Variants in CNTN1 observed in about 807,000 individuals in gnomAD.
CNTN1 encodes contactin-1.
Under a neutral mutation model 126.4 loss-of-function variants are expected in CNTN1, and 38 were observed. The observed-to-expected ratio is 0.30, with a 90% CI of 0.23 to 0.39. The LOEUF is 0.39. Among genes scored for constraint, CNTN1 ranks in the 10% least tolerant of loss-of-function variants. The probability of loss-of-function intolerance (pLI) is 1.00; values close to 1 mark genes in which losing one functional copy is unlikely to be tolerated. For missense variants in CNTN1, 1,009 were observed against 1,248.4 expected, an observed-to-expected ratio of 0.81 and a Z score of 2.89; for synonymous variants, 413 against 422.6, an observed-to-expected ratio of 0.98 and a Z score of 0.28.
At chr12:40,990,171 T>C (rs1948065813) in intron 16 of CNTN1, among the ~76,000 whole-genome samples, 1 of 152,246 alleles carries the variant, frequency 6.6e-6, no homozygotes, top group South Asian at 2.1e-4. Context: ...TAGATATTTG[T>C]ATTCTCGTAG....
chr12:40,754,122 C>T (rs1938508799), intron 1 of CNTN1, among the ~76,000 whole-genome samples: 1 of 151,952 alleles, frequency 6.6e-6, no homozygotes, highest in South Asian at 2.1e-4. Flanking sequence ...TGCATATACA[C>T]ATATATAGGA....
chr12:40,699,617 CTTTT>C (rs1478589894), intron 1 of CNTN1, among the ~76,000 whole-genome samples: 1 of 152,128 alleles, frequency 6.6e-6, no homozygotes, highest in Non-Finnish European at 1.5e-5. Flanking sequence ...GTTAATTTCA[CTTTT>C]CTTTATTTAA....
chr12:40,994,622 A>G (rs369571168), intron 17 of CNTN1, among the ~76,000 whole-genome samples: 10 of 152,234 alleles, frequency 6.6e-5, no homozygotes, highest in African/African-American at 2.2e-4. Flanking sequence ...GAATAATAAT[A>G]AAAACCAAAC....
rs1288490278 is a variant in CNTN1 at position 40,936,989 on chromosome 12, G to A, written c.1110+84G>A. ...TAGTCCTGGGATAAATTTAGCAGGA[G>A]AGACAATACAGAAAGGGCACTTGGG... On this transcript the variant is annotated intron_variant, in intron 10 of 23. Coordinates refer to ENST00000551295, the MANE Select transcript of CNTN1 (RefSeq NM_001843.4). 3.2e-6 allele frequency: 5 copies of A among 1,563,296 alleles called. No homozygotes were observed. In the East Asian group the frequency reaches 1.1e-4, roughly 35 times the overall value.
At chr12:40,741,113 TGGAA>T in intron 1 of CNTN1, among the ~76,000 whole-genome samples, 1 of 152,082 alleles carries the variant, frequency 6.6e-6, no homozygotes, top group Non-Finnish European at 1.5e-5. Context: ...AAGTGACCTA[TGGAA>T]TATCCACTGA....
At chr12:40,973,225 A>G (rs886773756) in intron 15 of CNTN1, among the ~76,000 whole-genome samples, 1 of 152,130 alleles carries the variant, frequency 6.6e-6, no homozygotes, top group African/African-American at 2.4e-5. Flanking sequence ...TGGTAGAGAT[A>G]TTTAATAAGA....
At chr12:40,867,773 T>C (rs1187711451) in intron 1 of CNTN1, among the ~76,000 whole-genome samples, 3 of 152,090 alleles carry the variant, frequency 2.0e-5, no homozygotes, top group Non-Finnish European at 2.9e-5. Flanking sequence ...TACTTTTCTC[T>C]TTACTTTGAA....
At chr12:41,047,773 C>T (rs1228616964) in intron 23 of CNTN1, among the ~76,000 whole-genome samples, 2 of 151,728 alleles carry the variant, frequency 1.3e-5, no homozygotes, top group Non-Finnish European at 2.9e-5. Context: ...TTACTCTGTC[C>T]TCTCCATTTC....
At chr12:40,936,981 T>C in intron 10 of CNTN1, 76 bp downstream of exon 10, 1 of 1,588,168 alleles carries the variant, frequency 6.3e-7, no homozygotes, top group Non-Finnish European at 8.6e-7. Flanking sequence ...GGGATAAATT[T>C]AGCAGGAGAG....
chr12:40,776,174 T>C (rs1326425640), intron 1 of CNTN1, among the ~76,000 whole-genome samples: 2 of 151,626 alleles, frequency 1.3e-5, no homozygotes, highest in African/African-American at 4.8e-5. Flanking sequence ...AATTATAGTT[T>C]CTGTGTTATA....
chr12:40,952,594 GT>G (rs2136984767), intron 14 of CNTN1, among the ~76,000 whole-genome samples: 1 of 152,090 alleles, frequency 6.6e-6, no homozygotes, highest in African/African-American at 2.4e-5. Context: ...GTAGTTTTGT[GT>G]CTTCCTCTGT....
At chr12:40,720,309 GT>G (rs1048007092) in intron 1 of CNTN1, among the ~76,000 whole-genome samples, 2 of 151,828 alleles carry the variant, frequency 1.3e-5, no homozygotes, top group African/African-American at 2.4e-5. Flanking sequence ...TTCGGTTCTA[GT>G]TTTTTTCATT....
Position 40,910,076 on chromosome 12 carries a change from T to C in CNTN1, c.65T>C (p.Phe22Ser). Reference sequence around the variant, plus strand: ...TTGTTTTTTCTTTCATTTTTAGAGTTTACATGGTATAGAAGATATGGTCAT... The same window carrying C: ...TTGTTTTTTCTTTCATTTTTAGAGTCTACATGGTATAGAAGATATGGTCAT... ...IISITTCLAE[F>S]TWYRRYGHGV... is the part of the protein sequence containing the mutation. The change falls in exon 3 of 24, where the codon TTT (phenylalanine) becomes TCT (serine). Residue 22 changes from phenylalanine to serine, a missense_variant. Physicochemically the swap from Phe to Ser is radical, Grantham distance 155. Coordinates refer to ENST00000551295, the MANE Select transcript of CNTN1 (RefSeq NM_001843.4). The C allele has an allele frequency of 6.2e-7, 1 of 1,606,688 alleles. No homozygotes were observed. The highest frequency in any genetic ancestry group is 8.5e-7 in the Non-Finnish European group (1 of 1,174,206).
At position 40,839,774 on chromosome 12, in the gene CNTN1, A is replaced by G. The variant is rs574756210; in HGVS notation, c.-76-68583A>G. 7.9e-5 allele frequency among the ~76,000 whole-genome samples: 12 copies of G among 152,306 alleles called. 1 individual carries two copies. The South Asian group carries it at 2.5e-3, about 32-fold the overall frequency. On this transcript the variant is annotated intron_variant, in intron 1 of 23. Coordinates refer to ENST00000551295, the MANE Select transcript of CNTN1 (RefSeq NM_001843.4). Reference sequence around the variant, plus strand: ...GTCCTACAAGAAATGCTCGTCCTAAACCAGAAAGCAAAAGAACAACATTCA... The same window carrying G: ...GTCCTACAAGAAATGCTCGTCCTAAGCCAGAAAGCAAAAGAACAACATTCA...
At chr12:40,951,740 A>AG (rs1946694134) in intron 14 of CNTN1, among the ~76,000 whole-genome samples, 2 of 150,506 alleles carry the variant, frequency 1.3e-5, no homozygotes, top group East Asian at 1.9e-4. Flanking sequence ...AAAAAAAAAA[A>AG]AAGAAGAAAA....
intron 23 of CNTN1, among the ~76,000 whole-genome samples, chr12:41,063,109 C>T (rs149289442): frequency 2.6e-5 from 4 of 152,220 alleles, no homozygotes; most frequent in East Asian, 1.9e-4. Context: ...CTGAAAAATT[C>T]GAACGCTGCA....
chr12:41,060,379 G>A (rs1438476833), intron 23 of CNTN1, among the ~76,000 whole-genome samples: 1 of 152,140 alleles, frequency 6.6e-6, no homozygotes, highest in Non-Finnish European at 1.5e-5. Flanking sequence ...TTGGCATAGT[G>A]GAACATGTAA....
intron 23 of CNTN1, among the ~76,000 whole-genome samples, chr12:41,065,898 C>G (rs748357918): frequency 1.3e-5 from 2 of 152,230 alleles, no homozygotes; most frequent in Non-Finnish European, 2.9e-5. Context: ...CTGATTTTCA[C>G]TCTAATCATA....
At chr12:40,791,539 G>GACC (rs1208527490) in intron 1 of CNTN1, among the ~76,000 whole-genome samples, 3 of 152,094 alleles carry the variant, frequency 2.0e-5, no homozygotes, top group African/African-American at 7.2e-5. Context: ...AATTTGGGTG[G>GACC]ACCTAAGAAA....
Sources: allele counts gnomAD v4.1 joint callset (sites outside exome capture counted in the v4.1 genomes callset), GRCh38; gene constraint gnomAD v4.1.1; transcripts MANE v1.5; gene names NCBI Gene and HGNC (gene_info 2026-07-23, HGNC 2026-07-21).